Variants in ARHGAP28 observed in about 807,000 individuals in gnomAD.
The protein encoded by ARHGAP28 is Rho GTPase activating protein 28.
ARHGAP28 carries 56 observed loss-of-function variants against 90.7 expected under a neutral mutation model. That is an observed-to-expected ratio of 0.62 (90% CI 0.50 to 0.77). The LOEUF (loss-of-function observed/expected upper bound fraction) is 0.77. Ranked by LOEUF, ARHGAP28 falls within the 30% of genes least tolerant of loss-of-function variation. ARHGAP28 has a pLI of 0.00. For synonymous variants in ARHGAP28, 308 were observed against 323.3 expected (o/e 0.95, Z 0.51); for missense variants, 869 against 900.9 (o/e 0.96, Z 0.45).
At chr18:6,794,123 C>T (rs539927333) in intron 1 of ARHGAP28, among the ~76,000 whole-genome samples, 2 of 152,144 alleles carry the variant, frequency 1.3e-5, no homozygotes, top group Non-Finnish European at 2.9e-5. Context: ...GAAAATTGTG[C>T]TTAAAATAGC....
chr18:6,742,362 G>A (rs1010831234), intron 1 of ARHGAP28, among the ~76,000 whole-genome samples: 2 of 151,850 alleles, frequency 1.3e-5, no homozygotes, highest in African/African-American at 4.8e-5. Context: ...TAGAGATGGG[G>A]TTTCATCATG....
chr18:6,730,221 G>GTATGTATGTATGTATATATATATATATA (rs1555621918), intron 1 of ARHGAP28: 2 of 175,048 alleles, frequency 1.1e-5, no homozygotes, highest in South Asian at 2.3e-4. Context: ...TAAGTCATGT[G>GTATGTATGTATGTATATATATATATATA]TATATATATA....
At chr18:6,759,958 G>A (rs1354370001) in intron 1 of ARHGAP28, among the ~76,000 whole-genome samples, 2 of 152,142 alleles carry the variant, frequency 1.3e-5, no homozygotes, top group Non-Finnish European at 2.9e-5. Flanking sequence ...CTTGGAGAGG[G>A]ACATCAAATT....
At chr18:6,846,708 G>A (rs1035375292) in intron 3 of ARHGAP28, among the ~76,000 whole-genome samples, 14 of 152,210 alleles carry the variant, frequency 9.2e-5, no homozygotes, top group African/African-American at 2.9e-4. Flanking sequence ...CCAGAAGAGG[G>A]CAAGTCAGAG....
At chr18:6,860,457 T>C (rs9953533) in intron 5 of ARHGAP28, among the ~76,000 whole-genome samples, 33,941 of 152,078 alleles carry the variant, frequency 0.22, 5,752 homozygotes, top group African/African-American at 0.47. Context: ...CGAATCCCCA[T>C]TCATTGTCTC....
intron 1 of ARHGAP28, among the ~76,000 whole-genome samples, chr18:6,776,488 C>T (rs77583017): frequency 7.2e-5 from 11 of 152,296 alleles, no homozygotes; most frequent in African/African-American, 2.6e-4. Flanking sequence ...CCTGAAGGTG[C>T]GGTGCTGCTG....
At chr18:6,899,270 A>G (rs757664154) in intron 16 of ARHGAP28, among the ~76,000 whole-genome samples, 6 of 152,184 alleles carry the variant, frequency 3.9e-5, no homozygotes, top group Non-Finnish European at 8.8e-5. Flanking sequence ...AACCCTGGAT[A>G]GTAACACAAC....
intron 1 of ARHGAP28, among the ~76,000 whole-genome samples, chr18:6,757,651 A>G (rs2056122715): frequency 1.3e-5 from 2 of 152,138 alleles, no homozygotes; most frequent in Admixed American, 6.5e-5. Flanking sequence ...TATGTTTCCA[A>G]AATTTTGTTA....
chr18:6,839,362 C>G lies in ARHGAP28; in HGVS notation c.543+1948C>G, dbSNP rs552087088. On this transcript the variant is annotated intron_variant, in intron 3 of 17. Coordinates refer to ENST00000383472, the MANE Select transcript of ARHGAP28 (RefSeq NM_001366230.1). ...AGGCTGGAGTGCAGTGGCGCAATCT[C>G]GGCTCACTGCAAGCTCCGCCTCCCG... 1.0e-4 allele frequency among the ~76,000 whole-genome samples: 15 copies of G among 149,890 alleles called. No individual in the cohort carries two copies. In the South Asian group the frequency reaches 1.5e-3, roughly 15 times the overall value.
intron 1 of ARHGAP28, among the ~76,000 whole-genome samples, chr18:6,791,838 G>GTTTT (rs1567948928): frequency 2.0e-5 from 3 of 148,528 alleles, no homozygotes; most frequent in African/African-American, 2.5e-5. Flanking sequence ...TTAATTTGTG[G>GTTTT]GTTTTTTTTG....
chr18:6,761,500 G>A (rs2056159709), intron 1 of ARHGAP28, among the ~76,000 whole-genome samples: 1 of 152,100 alleles, frequency 6.6e-6, no homozygotes, highest in Admixed American at 6.5e-5. Flanking sequence ...TATTGATGGA[G>A]GCAGGCATTG....
chr18:6,864,827 C>G (rs2116254), intron 5 of ARHGAP28, among the ~76,000 whole-genome samples: 76,163 of 151,514 alleles, frequency 0.5, 20,405 homozygotes, highest in Non-Finnish European at 0.61. Context: ...TGGGATTATA[C>G]GTGTGCACCA....
chr18:6,826,117 G>GTTTTTTTTTTTT (rs35995654), intron 2 of ARHGAP28, among the ~76,000 whole-genome samples: 1 of 138,506 alleles, frequency 7.2e-6, no homozygotes, highest in Non-Finnish European at 1.5e-5. Flanking sequence ...CATTGCCAGT[G>GTTTTTTTTTTTT]TTTTTTTTTT....
rs76083667 is a variant in ARHGAP28 at position 6,766,432 on chromosome 18, G to A, written c.122+36489G>A. ...GCTGCTGAGACCTCCTTTCCAAAGA[G>A]TGGAATACTTAGCCCACAGCCTCAG... On this transcript the variant is annotated intron_variant, in intron 1 of 17. Coordinates refer to ENST00000383472, the MANE Select transcript of ARHGAP28 (RefSeq NM_001366230.1). 7.0e-3 allele frequency among the ~76,000 whole-genome samples: 1,070 copies of A among 152,262 alleles called. 6 individuals are homozygous for A. Among genetic ancestry groups the A allele is most frequent in the Non-Finnish European group, 0.012 (784 of 68,022 alleles).
At chr18:6,827,641 ACCC>A (rs369251993) in intron 2 of ARHGAP28, among the ~76,000 whole-genome samples, 3 of 130,500 alleles carry the variant, frequency 2.3e-5, no homozygotes, top group Non-Finnish European at 3.2e-5. Context: ...AGGGGGGCTG[ACCC>A]CCCCCCCACC....
chr18:6,854,708 T>C (rs2056938415), intron 4 of ARHGAP28, among the ~76,000 whole-genome samples: 1 of 151,594 alleles, frequency 6.6e-6, no homozygotes, highest in South Asian at 2.1e-4. Flanking sequence ...CCCTGCTGAG[T>C]TGGCAGGGTG....
At chr18:6,870,251 A>C (rs181017908) in intron 6 of ARHGAP28, among the ~76,000 whole-genome samples, 1 of 152,318 alleles carries the variant, frequency 6.6e-6, no homozygotes, top group East Asian at 1.9e-4. Flanking sequence ...GATGAGCTTA[A>C]TTTTAATATC....
intron 1 of ARHGAP28, chr18:6,730,216 C>CATATATATAT (rs1555621909): frequency 9.5e-6 from 1 of 105,588 alleles, no homozygotes; most frequent in African/African-American, 5.9e-5. Context: ...GAGGATAAGT[C>CATATATATAT]ATGTGTATAT....
At chr18:6,792,491 C>A (rs779005511) in intron 1 of ARHGAP28, among the ~76,000 whole-genome samples, 12 of 152,214 alleles carry the variant, frequency 7.9e-5, no homozygotes, top group Non-Finnish European at 1.5e-4. Flanking sequence ...CTTTCTTATG[C>A]AGTACTGTCC....
Sources: gnomAD v4.1 joint callset for allele counts (sites outside exome capture counted in the v4.1 genomes callset) on GRCh38, gnomAD v4.1.1 for gene constraint, MANE v1.5 for transcripts, NCBI Gene and HGNC (gene_info 2026-07-23, HGNC 2026-07-21) for gene names.